ZFPM1: variants seen among roughly 807,000 people sequenced by gnomAD.
ZFPM1 encodes zinc finger protein, FOG family member 1.
ZFPM1 carries 28 observed loss-of-function variants against 46.3 expected under a neutral mutation model. That is an observed-to-expected ratio of 0.60 (90% CI 0.45 to 0.83). ZFPM1 has a LOEUF of 0.83. Ranked by LOEUF, ZFPM1 falls within the 40% of genes least tolerant of loss-of-function variation. The probability of loss-of-function intolerance (pLI) is 0.00; values close to 1 mark genes in which losing one functional copy is unlikely to be tolerated. For missense variants in ZFPM1, 1,878 were observed against 1,432.4 expected, an observed-to-expected ratio of 1.31 and a Z score of -5.02; for synonymous variants, 957 against 675.9, an observed-to-expected ratio of 1.42 and a Z score of -6.45.
At chr16:88,498,655 G>A (rs1910078038) in intron 3 of ZFPM1, among the ~76,000 whole-genome samples, 1 of 152,174 alleles carries the variant, frequency 6.6e-6, no homozygotes, top group African/African-American at 2.4e-5. Context: ...GGGGCGTCTG[G>A]AAACGGTGTC....
chr16:88,458,508 A>C (rs1295867386), intron 1 of ZFPM1, among the ~76,000 whole-genome samples: 1 of 152,232 alleles, frequency 6.6e-6, no homozygotes, highest in Admixed American at 6.5e-5. Flanking sequence ...ATGTGATGCC[A>C]TTAATTGTGC....
intron 3 of ZFPM1, among the ~76,000 whole-genome samples, chr16:88,490,536 C>A (rs1461895504): frequency 6.6e-6 from 1 of 152,204 alleles, no homozygotes; most frequent in Non-Finnish European, 1.5e-5. Context: ...GACCACATTC[C>A]TTCCCAGGGG....
At chr16:88,514,353 G>A (rs368608683) in intron 3 of ZFPM1, 34 bp from the exon 4 acceptor site, 85 of 1,555,692 alleles carry the variant, frequency 5.5e-5, no homozygotes, top group Non-Finnish European at 6.5e-5. Flanking sequence ...GCCCCAGACC[G>A]GGCACGCCTC....
intron 3 of ZFPM1, 132 bp downstream of exon 3, chr16:88,489,285 C>T (rs1597245357): frequency 7.3e-7 from 1 of 1,374,562 alleles, no homozygotes; most frequent in East Asian, 2.6e-5. Flanking sequence ...AGGCCTGTGC[C>T]TAGTCCAAAG....
intron 4 of ZFPM1, among the ~76,000 whole-genome samples, chr16:88,521,104 G>A (rs1233118703): frequency 2.0e-5 from 3 of 151,600 alleles, no homozygotes; most frequent in African/African-American, 7.3e-5. Context: ...GGTGGATGAT[G>A]GACAGGTGGA....
At chr16:88,530,766 C>T (rs1171997228) in intron 6 of ZFPM1, among the ~76,000 whole-genome samples, 1 of 152,252 alleles carries the variant, frequency 6.6e-6, no homozygotes, top group Admixed American at 6.5e-5. Context: ...ACCCAGTGGC[C>T]TCCCAGGTCT....
At chr16:88,464,820 A>G (rs1908060502) in intron 1 of ZFPM1, among the ~76,000 whole-genome samples, 1 of 151,928 alleles carries the variant, frequency 6.6e-6, no homozygotes. Context: ...TGAGTGAGAT[A>G]CAGCCTTGAT....
intron 3 of ZFPM1, among the ~76,000 whole-genome samples, chr16:88,495,548 C>T (rs1909884953): frequency 6.6e-6 from 1 of 152,236 alleles, no homozygotes; most frequent in African/African-American, 2.4e-5. Context: ...CCCAGCTCTG[C>T]CTGTGTCTGT....
At position 88,488,922 on chromosome 16, in the gene ZFPM1, G is replaced by A. The variant is rs111593076; in HGVS notation, c.146-109G>A. Reference sequence around the variant, plus strand: ...AGGAGATGGGGGTGGCTCTGGGCCCGAGCTCCCCAACCCGGCGCCCAGCGC... The same window carrying A: ...AGGAGATGGGGGTGGCTCTGGGCCCAAGCTCCCCAACCCGGCGCCCAGCGC... On this transcript the variant is annotated intron_variant, in intron 2 of 9. Transcript: ENST00000319555. 10,629 of 1,482,420 alleles carry A rather than the reference G, an allele frequency of 7.2e-3. 243 individuals are homozygous for A. The African/African-American group carries it at 0.078, about 11-fold the overall frequency. The allele number at this position is 1,482,420 out of a possible 1,614,324, so 91.8% of individuals were successfully genotyped here. A position where few individuals can be genotyped will look rare whatever the true frequency, so the allele number is the denominator to read the frequency against.
chr16:88,475,380 G>A (rs568272512), intron 1 of ZFPM1, among the ~76,000 whole-genome samples: 100 of 152,302 alleles, frequency 6.6e-4, no homozygotes, highest in Non-Finnish European at 1.1e-3. Context: ...TCGCTGAGCT[G>A]TGATCCTCCT....
In ZFPM1 at chr16:88,533,479, C is replaced by A. The variant is rs1472040762; in HGVS notation, c.1521C>A (p.Pro507=). The part of the protein sequence containing the change: ...PARVKAELSS[P]TPGSSPVPGE... The stretch of plus-strand genomic sequence containing the variant: ...GGGTCAAGGCCGAGCTGTCCAGCCC[C>A]ACGCCGGGCTCCAGCCCGGTGCCCG... The change falls in exon 10 of 10, where the codon CCC becomes CCA. Residue 507 remains proline, a synonymous_variant. Transcript: ENST00000319555. 7.1e-7 allele frequency: 1 copy of A among 1,405,686 alleles called. No homozygotes were observed. The highest frequency in any genetic ancestry group is 9.2e-7 in the Non-Finnish European group (1 of 1,087,064). The allele number at this position is 1,405,686 out of a possible 1,614,324, so 87.1% of individuals were successfully genotyped here.
At chr16:88,451,896 C>A (rs1031713375), upstream of ZFPM1, among the ~76,000 whole-genome samples, 15 of 152,114 alleles carry the variant, frequency 9.9e-5, no homozygotes, top group African/African-American at 3.6e-4. Flanking sequence ...TGTACCCCTG[C>A]CTCTCCTACC....
chr16:88,484,288 G>A (rs774300819), intron 1 of ZFPM1, among the ~76,000 whole-genome samples: 14 of 152,304 alleles, frequency 9.2e-5, no homozygotes, highest in Admixed American at 4.6e-4. Context: ...AGCCAGAGGC[G>A]CAAACCCCGA....
chr16:88,527,265 C>G (rs1912413173), intron 5 of ZFPM1, among the ~76,000 whole-genome samples: 1 of 152,224 alleles, frequency 6.6e-6, no homozygotes. Context: ...CAGCAGGGAC[C>G]CCGACACCAG....
rs1207922911 is a variant in ZFPM1 at position 88,533,463 on chromosome 16, C to G, written c.1505C>G (p.Ala502Gly). ...AGCCCCGCCCCGGCCAGGGTCAAGG[C>G]CGAGCTGTCCAGCCCCACGCCGGGC... ...PRSPAPARVK[A>G]ELSSPTPGSS... Residue 502 changes from alanine to glycine, a missense_variant, in exon 10 of 10, where the codon GCC (alanine) becomes GGC (glycine). Transcript: ENST00000319555. 1 of 1,431,404 alleles carries G rather than the reference C, an allele frequency of 7.0e-7. No individual in the cohort carries two copies. The highest frequency in any genetic ancestry group is 9.1e-7 in the Non-Finnish European group (1 of 1,100,860). The allele number at this position is 1,431,404 out of a possible 1,614,324, so 88.7% of individuals were successfully genotyped here.
At chr16:88,529,865 G>A (rs568072747) in intron 6 of ZFPM1, among the ~76,000 whole-genome samples, 159 of 152,330 alleles carry the variant, frequency 1.0e-3, no homozygotes, top group Middle Eastern at 0.01. Context: ...TGGTAGCCAG[G>A]ACATAATAGC....
intron 4 of ZFPM1, among the ~76,000 whole-genome samples, chr16:88,521,016 TTATG>T (rs377153871): frequency 0.025 from 2,776 of 111,698 alleles, 55 homozygotes; most frequent in South Asian, 0.069. Flanking sequence ...GGATGGATGA[TTATG>T]TAGGTGGGTA....
intron 5 of ZFPM1, among the ~76,000 whole-genome samples, chr16:88,527,412 C>A (rs1445447978): frequency 6.6e-6 from 1 of 152,166 alleles, no homozygotes; most frequent in South Asian, 2.1e-4. Flanking sequence ...GTGGCCTGCA[C>A]CTCCGAGCAC....
At chr16:88,524,830 G>C (rs1392170450) in intron 4 of ZFPM1, among the ~76,000 whole-genome samples, 1 of 152,228 alleles carries the variant, frequency 6.6e-6, no homozygotes, top group African/African-American at 2.4e-5. Context: ...ACAGCCATGT[G>C]GGGAGAGGGC....
Sources: allele counts gnomAD v4.1 joint callset (sites outside exome capture counted in the v4.1 genomes callset), GRCh38; gene constraint gnomAD v4.1.1; transcripts MANE v1.5; gene names NCBI Gene and HGNC (gene_info 2026-07-23, HGNC 2026-07-21).